The following RBFOX3 variants were observed in gnomAD, a reference collection of about 807,000 sequenced individuals.
RBFOX3 encodes RNA binding protein fox-1 homolog 3.
Under a neutral mutation model 48.7 loss-of-function variants are expected in RBFOX3, and 17 were observed. That is an observed-to-expected ratio of 0.35 (90% CI 0.24 to 0.52). RBFOX3 has a LOEUF of 0.52. Ranked by LOEUF, RBFOX3 falls within the 20% of genes least tolerant of loss-of-function variation. The pLI is 0.94. For missense variants in RBFOX3, 382 were observed against 497.5 expected (o/e 0.77, Z 2.21); for synonymous variants, 212 against 209.5 (o/e 1.01, Z -0.10).
the RBFOX3 span, among the ~76,000 whole-genome samples, chr17:79,643,810 T>A: frequency 0.015 from 2,349 of 152,258 alleles, 146 homozygotes; most frequent in Admixed American, 0.11. Context: ...AGAAAATTTG[T>A]AGCTTTAATA....
intron 4 of RBFOX3, among the ~76,000 whole-genome samples, chr17:79,171,692 G>A (rs1242835480): frequency 4.4e-5 from 5 of 112,666 alleles, no homozygotes; most frequent in African/African-American, 9.5e-5. Context: ...AAACTCTTGG[G>A]CTCTAGTGAT....
At chr17:79,625,408 G>T in the RBFOX3 span, among the ~76,000 whole-genome samples, 1 of 152,174 alleles carries the variant, frequency 6.6e-6, no homozygotes, top group Non-Finnish European at 1.5e-5. Context: ...CTTAGCTGCT[G>T]TTGGTGTACA....
chr17:79,105,019 C>G (rs1016363790), intron 6 of RBFOX3, among the ~76,000 whole-genome samples: 45 of 152,178 alleles, frequency 3.0e-4, no homozygotes, highest in African/African-American at 1.1e-3. Context: ...AGCCCTGTCT[C>G]TCTCACTGGT....
rs1274302202 is a variant in RBFOX3, at chr17:79,482,897, C to T, written c.-319-299G>A. Reference sequence around the variant, plus strand: ...TCTCCCAGCCCGCTTGCAATGGTCCCCCAATCCCAGGGACTCTTCCACCCC... The same window carrying T: ...TCTCCCAGCCCGCTTGCAATGGTCCTCCAATCCCAGGGACTCTTCCACCCC... On this transcript the variant is annotated intron_variant, in intron 1 of 14. Coordinates refer to ENST00000693108, the MANE Select transcript of RBFOX3 (RefSeq NM_001350451.2). This position sits in a 1 kb window ranked among gnomAD's most constrained non-coding sequence, Gnocchi z 4.1. Among the ~76,000 whole-genome samples the T allele has an allele frequency of 6.6e-6, 1 of 151,936 alleles. No homozygotes were observed. The highest frequency in any genetic ancestry group is 1.5e-5 in the Non-Finnish European group (1 of 67,982).
At chr17:79,167,943 C>T (rs1045141190) in intron 4 of RBFOX3, among the ~76,000 whole-genome samples, 12 of 152,230 alleles carry the variant, frequency 7.9e-5, no homozygotes, top group Non-Finnish European at 1.6e-4. Flanking sequence ...GATGGGCCTC[C>T]CCCAGGTAAA....
intron 9 of RBFOX3, among the ~76,000 whole-genome samples, chr17:79,100,629 A>G (rs150232058): frequency 1.2e-3 from 182 of 152,264 alleles, no homozygotes; most frequent in African/African-American, 4.3e-3. Context: ...CACCGTCTGA[A>G]AGTCCACGGC....
At chr17:79,258,390 A>G (rs1250014561) in intron 3 of RBFOX3, among the ~76,000 whole-genome samples, 1 of 152,214 alleles carries the variant, frequency 6.6e-6, no homozygotes, top group Non-Finnish European at 1.5e-5. Flanking sequence ...AGAGGATAAC[A>G]TCTCCATTCC....
chr17:79,487,825 T>A (rs3936074), intron 1 of RBFOX3, among the ~76,000 whole-genome samples: 87,781 of 148,150 alleles, frequency 0.59, 28,542 homozygotes, highest in South Asian at 0.73. Flanking sequence ...GGCAGGAGAA[T>A]GGTGTGAACC....
chr17:79,343,882 C>T lies in RBFOX3; in HGVS notation c.-174-36058G>A, dbSNP rs138856599. Among the ~76,000 whole-genome samples, 1,043 of 152,242 alleles carry T rather than the reference C, an allele frequency of 6.9e-3. 6 individuals carry two copies. Among genetic ancestry groups the T allele is most frequent in the Middle Eastern group, 0.031 (9 of 294 alleles). On this transcript the variant is annotated intron_variant, in intron 2 of 14. Transcript: ENST00000693108. The stretch of plus-strand genomic sequence containing the variant: ...GGGGCAGGAATTGGACACAGCCTGC[C>T]CGTATCTAAGCTCTTACATGAATCT...
intron 2 of RBFOX3, among the ~76,000 whole-genome samples, chr17:79,342,988 G>GA (rs938815818): frequency 6.6e-6 from 1 of 152,130 alleles, no homozygotes; most frequent in African/African-American, 2.4e-5. Flanking sequence ...GCGAGAGAGA[G>GA]AGAGAGAGAG....
At chr17:79,563,911 G>C (rs1425977825) in intron 1 of RBFOX3, among the ~76,000 whole-genome samples, 2 of 152,188 alleles carry the variant, frequency 1.3e-5, no homozygotes, top group South Asian at 2.1e-4. Flanking sequence ...TCTTCATATA[G>C]ACAAAAGCAA....
At chr17:79,341,833 G>A (rs1193418645) in intron 2 of RBFOX3, among the ~76,000 whole-genome samples, 1 of 152,252 alleles carries the variant, frequency 6.6e-6, no homozygotes, top group Non-Finnish European at 1.5e-5. Flanking sequence ...CCCCAAGCCA[G>A]GGCTAAGGGA....
At chr17:79,441,981 C>T (rs1295517187) in intron 2 of RBFOX3, among the ~76,000 whole-genome samples, 1 of 151,842 alleles carries the variant, frequency 6.6e-6, no homozygotes, top group South Asian at 2.1e-4. Context: ...CTCCTCAGGT[C>T]CCCTGAGGAG....
intron 1 of RBFOX3, among the ~76,000 whole-genome samples, chr17:79,608,492 A>G (rs2093888545): frequency 1.3e-5 from 2 of 152,084 alleles, no homozygotes; most frequent in South Asian, 4.1e-4. Flanking sequence ...AGGAGGGTGG[A>G]TAGCTGCTAG....
Position 79,252,060 on chromosome 17 carries a change from C to T in RBFOX3, c.-73-16255G>A, listed in dbSNP as rs760670382. ...CAGCAGGGAATGAGTCTGCTGACCA[C>T]GCCTCATGCCTCTGGAAGCACACTT... is the stretch of plus-strand genomic sequence containing the variant. On this transcript the variant is annotated intron_variant, in intron 3 of 14. Transcript: ENST00000693108. This position sits in a 1 kb window ranked among gnomAD's most constrained non-coding sequence, Gnocchi z 4.0. 1.3e-5 allele frequency among the ~76,000 whole-genome samples: 2 copies of T among 152,204 alleles called. No homozygotes were observed. The highest frequency in any genetic ancestry group is 2.9e-5 in the Non-Finnish European group (2 of 68,036).
At chr17:79,203,110 T>C (rs1329051914) in intron 4 of RBFOX3, among the ~76,000 whole-genome samples, 1 of 151,724 alleles carries the variant, frequency 6.6e-6, no homozygotes, top group Non-Finnish European at 1.5e-5. Context: ...AGTTTGTTCC[T>C]AAGATGCCTA....
At chr17:79,379,899 T>C (rs2059678882) in intron 2 of RBFOX3, among the ~76,000 whole-genome samples, 1 of 152,184 alleles carries the variant, frequency 6.6e-6, no homozygotes, top group African/African-American at 2.4e-5. Flanking sequence ...CGCACGAGTC[T>C]GCATGTGCGT....
chr17:79,548,028 C>G (rs553863819), intron 1 of RBFOX3, among the ~76,000 whole-genome samples: 57 of 152,352 alleles, frequency 3.7e-4, no homozygotes, highest in East Asian at 3.9e-4. Flanking sequence ...CTGAACATTT[C>G]TTTTCCTGTC....
At chr17:79,147,361 T>C (rs539520962) in intron 4 of RBFOX3, among the ~76,000 whole-genome samples, 67 of 152,272 alleles carry the variant, frequency 4.4e-4, no homozygotes, top group African/African-American at 1.6e-3. Flanking sequence ...GTAGAGAAGA[T>C]AATTAACTAG....
Sources: gnomAD v4.1 joint callset for allele counts (sites outside exome capture counted in the v4.1 genomes callset) on GRCh38, gnomAD v4.1.1 for gene constraint, Gnocchi (gnomAD v3.1) non-coding constraint, MANE v1.5 for transcripts, NCBI Gene and HGNC (gene_info 2026-07-23, HGNC 2026-07-21) for gene names.